Variants in ATP11B observed in about 807,000 individuals in gnomAD.
The protein encoded by ATP11B is ATPase phospholipid transporting 11B (putative).
ATP11B carries 81 observed loss-of-function variants against 157.8 expected under a neutral mutation model. The observed-to-expected ratio is 0.51, with a 90% confidence interval of 0.43 to 0.62. ATP11B has a LOEUF of 0.62. Among genes scored for constraint, ATP11B ranks in the 20% least tolerant of loss-of-function variants. The pLI is 0.00. For synonymous variants in ATP11B, 451 were observed against 469.4 expected (o/e 0.96, Z 0.51); for missense variants, 1,165 against 1,402.2 (o/e 0.83, Z 2.70).
chr3:182,836,375 A>T lies in ATP11B; in HGVS notation c.457A>T (p.Ile153Phe). Residue 153 changes from isoleucine to phenylalanine, a missense_variant, in exon 6 of 30, where the codon ATT becomes TTT. Ile to Phe is a conservative substitution (Grantham distance 21). Transcript: ENST00000323116. The part of the protein sequence containing the change: ...GDIVRIAKDE[I>F]FPADLVLLSS... Reference sequence around the variant, plus strand: ...TATTGTTCGAATAGCCAAAGATGAAATTTTTCCTGCAGACTTGGTGCTTCT... The same window carrying T: ...TATTGTTCGAATAGCCAAAGATGAATTTTTTCCTGCAGACTTGGTGCTTCT... 3 of 1,613,796 alleles carry T rather than the reference A, an allele frequency of 1.9e-6. No homozygotes were observed. The highest frequency in any genetic ancestry group is 2.5e-6 in the Non-Finnish European group (3 of 1,179,806).
chr3:182,916,721 A>T (rs1470303065), intron 29 of ATP11B: 1 of 984,364 alleles, frequency 1.0e-6, no homozygotes, highest in Non-Finnish European at 1.2e-6. Context: ...GCTTTGAAAA[A>T]AAATTTAAAA....
In ATP11B at chr3:182,916,310, G is replaced by A. The variant is rs570887132; in HGVS notation, c.3453-1713G>A. The A allele has an allele frequency of 3.0e-6, 3 of 985,312 alleles. No homozygotes were observed. In the Middle Eastern group the frequency reaches 1.6e-3, roughly 515 times the overall value. 61.0% of individuals were successfully genotyped at this position (985,312 alleles called of 1,614,324 possible). On this transcript the variant is annotated intron_variant, in intron 29 of 29. Transcript: ENST00000323116. ...GAGACTGCCATTCCAAGATGTAGAA[G>A]CCCTTAGCTGTGTGTTCCATTGACA...
At chr3:182,917,419 C>T in intron 29 of ATP11B, 3 of 985,258 alleles carry the variant, frequency 3.0e-6, no homozygotes, top group Non-Finnish European at 3.6e-6. Context: ...TGCTTTAGGG[C>T]CTTATCATTC....
intron 4 of ATP11B, among the ~76,000 whole-genome samples, chr3:182,831,977 G>A (rs1404466923): frequency 1.3e-5 from 2 of 152,090 alleles, no homozygotes. Flanking sequence ...ATAAATGAAT[G>A]AATGAACTTA....
intron 10 of ATP11B, among the ~76,000 whole-genome samples, chr3:182,852,812 C>T (rs779533547): frequency 2.6e-5 from 4 of 152,016 alleles, no homozygotes; most frequent in South Asian, 2.1e-4. Context: ...GGGAAATGTA[C>T]GGAAAAGGAA....
chr3:182,821,290 G>A (rs946975574), intron 2 of ATP11B, among the ~76,000 whole-genome samples: 5 of 152,022 alleles, frequency 3.3e-5, no homozygotes, highest in Non-Finnish European at 5.9e-5. Flanking sequence ...TGTATGATTA[G>A]TGGAGATGGG....
At chr3:182,895,029 C>T (rs911265110) in intron 25 of ATP11B, among the ~76,000 whole-genome samples, 15 of 144,760 alleles carry the variant, frequency 1.0e-4, no homozygotes, top group Admixed American at 2.2e-4. Context: ...GGGAGGATTG[C>T]TTGAGCCCGG....
chr3:182,896,711 C>G lies in ATP11B; in HGVS notation c.2994C>G (p.Asn998Lys), dbSNP rs760405478. The G allele has an allele frequency of 6.2e-7, 1 of 1,612,398 alleles. No individual in the cohort carries two copies. The highest frequency in any genetic ancestry group is 2.2e-5 in the East Asian group (1 of 44,752). ...SLLGNGQMFG[N>K]WTFGTLVFTV... ...TTCTTTCTGTTTAGATGTTTGGAAACTGGACATTTGGCACTTTGGTCTTCA... is the reference window on the plus strand; with the variant it reads ...TTCTTTCTGTTTAGATGTTTGGAAAGTGGACATTTGGCACTTTGGTCTTCA... The change falls in exon 26 of 30, where the codon AAC becomes AAG. Residue 998 changes from asparagine (N) to lysine (K), a missense_variant. Asn to Lys is a moderately conservative substitution (Grantham distance 94). This residue lies in a region of ATP11B where 303 missense variants were observed against 296.3 expected (regional missense o/e 1.02). Coordinates refer to ENST00000323116, the MANE Select transcript of ATP11B (RefSeq NM_014616.3).
chr3:182,880,648 C>T (rs1427316425), intron 20 of ATP11B, among the ~76,000 whole-genome samples: 1 of 152,100 alleles, frequency 6.6e-6, no homozygotes, highest in East Asian at 1.9e-4. Flanking sequence ...TCTTGTTTCT[C>T]ATCATAAAAT....
chr3:182,853,981 C>A (rs1720178931), intron 10 of ATP11B, among the ~76,000 whole-genome samples: 1 of 152,086 alleles, frequency 6.6e-6, no homozygotes, highest in South Asian at 2.1e-4. Flanking sequence ...GAGAAGTAGA[C>A]CATTCATGTG....
At chr3:182,827,028 C>A (rs1435693618) in intron 2 of ATP11B, among the ~76,000 whole-genome samples, 1 of 152,144 alleles carries the variant, frequency 6.6e-6, no homozygotes, top group Admixed American at 6.5e-5. Flanking sequence ...ATTCATTAAT[C>A]TATTCTGCAA....
At chr3:182,910,829 G>T (rs1724725100) in intron 28 of ATP11B, among the ~76,000 whole-genome samples, 1 of 152,168 alleles carries the variant, frequency 6.6e-6, no homozygotes. Flanking sequence ...AGTAAATGTG[G>T]TGAAGGACCA....
intron 1 of ATP11B, among the ~76,000 whole-genome samples, chr3:182,804,629 A>G (rs1186910870): frequency 6.6e-6 from 1 of 152,238 alleles, no homozygotes; most frequent in South Asian, 2.1e-4. Flanking sequence ...TTATTGAGAT[A>G]CAACTCACAT....
At chr3:182,880,267 G>C (rs57595825) in intron 20 of ATP11B, among the ~76,000 whole-genome samples, 20,449 of 151,800 alleles carry the variant, frequency 0.13, 1,644 homozygotes, top group African/African-American at 0.23. Context: ...TTCCCATATA[G>C]GTCTAATAAA....
intron 1 of ATP11B, among the ~76,000 whole-genome samples, chr3:182,811,448 C>A (rs116352125): frequency 0.033 from 4,959 of 152,190 alleles, 114 homozygotes; most frequent in Non-Finnish European, 0.048. Context: ...CTGCCTCACC[C>A]ACCCAGTAAC....
At chr3:182,844,819 T>A (rs1719340909) in intron 8 of ATP11B, among the ~76,000 whole-genome samples, 1 of 152,132 alleles carries the variant, frequency 6.6e-6, no homozygotes. Flanking sequence ...CACACATTTT[T>A]AAATCGCTGC....
At chr3:182,838,363 A>C (rs1229485776) in intron 7 of ATP11B, among the ~76,000 whole-genome samples, 1 of 151,928 alleles carries the variant, frequency 6.6e-6, no homozygotes, top group Non-Finnish European at 1.5e-5. Context: ...GACAACTAAG[A>C]ACTAAGCAAG....
chr3:182,824,091 T>C (rs1187308543), intron 2 of ATP11B, among the ~76,000 whole-genome samples: 1 of 152,184 alleles, frequency 6.6e-6, no homozygotes, highest in African/African-American at 2.4e-5. Context: ...ACAAGTCTTT[T>C]GTGCCTGACT....
chr3:182,870,595 CAG>C (rs1201689409), intron 17 of ATP11B, among the ~76,000 whole-genome samples: 1 of 152,192 alleles, frequency 6.6e-6, no homozygotes. Context: ...ATATTAATAA[CAG>C]ATGGTTTTTT....
Sources: gnomAD v4.1 joint callset for allele counts (sites outside exome capture counted in the v4.1 genomes callset) on GRCh38, gnomAD v4.1.1 for gene constraint, gnomAD v4.1.1 regional missense constraint, MANE v1.5 for transcripts, NCBI Gene and HGNC (gene_info 2026-07-23, HGNC 2026-07-21) for gene names.